TMPRSS11E: variants seen among roughly 807,000 people sequenced by gnomAD.
TMPRSS11E encodes the protein transmembrane protease serine 11E.
TMPRSS11E carries 38 observed loss-of-function variants against 48.1 expected under a neutral mutation model. The observed-to-expected ratio is 0.79, with a 90% CI of 0.61 to 1.04. The LOEUF (loss-of-function observed/expected upper bound fraction) is 1.04, where lower values mean the gene tolerates loss of function less well. Ranked by LOEUF, TMPRSS11E falls within the 50% of genes least tolerant of loss-of-function variation. TMPRSS11E has a pLI of 0.00. For missense variants in TMPRSS11E, 530 were observed against 510.8 expected (o/e 1.04, Z -0.36); for synonymous variants, 158 against 171.9 (o/e 0.92, Z 0.63).
chr4:68,461,780 G>T (rs375197528), intron 1 of TMPRSS11E, 41 bp from the exon 2 acceptor site: 3 of 1,613,194 alleles, frequency 1.9e-6, no homozygotes, highest in African/African-American at 2.7e-5. Context: ...TGGATGTGTT[G>T]CATGCTCTGA....
chr4:68,450,435 T>C (rs530434415), intron 1 of TMPRSS11E, among the ~76,000 whole-genome samples: 2 of 152,098 alleles, frequency 1.3e-5, no homozygotes, highest in African/African-American at 4.8e-5. Context: ...TTCTGATCTT[T>C]CTGATTTTAA....
intron 9 of TMPRSS11E, among the ~76,000 whole-genome samples, chr4:68,489,393 G>A (rs1209971974): frequency 6.6e-6 from 1 of 152,196 alleles, no homozygotes; most frequent in East Asian, 1.9e-4. Context: ...TGCTGGCAAA[G>A]GCACTTTGGC....
chr4:68,468,928 CTCAGGTTATCAAGT>C lies in TMPRSS11E; in HGVS notation c.315_326+2del. The C allele has an allele frequency of 5.0e-6, 8 of 1,611,454 alleles. No homozygotes were observed. The highest frequency in any genetic ancestry group is 6.8e-6 in the Non-Finnish European group (8 of 1,177,932). On this transcript the variant is annotated frameshift_variant, in exon 4 of 10. Coordinates refer to ENST00000305363, the MANE Select transcript of TMPRSS11E (RefSeq NM_014058.4). LOFTEE classifies it high-confidence loss of function. ...CCATTAAGGGAAGAATTTGTCAAGT[CTCAGGTTATCAAGT>C]TCAGGTATGTAAATCTGAATTGCTG...
At chr4:68,474,605 T>C in intron 5 of TMPRSS11E, 118 bp from the exon 6 acceptor site, 1 of 928,788 alleles carries the variant, frequency 1.1e-6, no homozygotes, top group South Asian at 1.5e-5. Context: ...TTGCCTTCTT[T>C]ATAATCTAGA....
chr4:68,463,671 T>C (rs934756518), intron 2 of TMPRSS11E, among the ~76,000 whole-genome samples: 9 of 152,214 alleles, frequency 5.9e-5, no homozygotes, highest in African/African-American at 2.2e-4. Context: ...GCTGAGAATA[T>C]TGAGTCCTAC....
rs1728942164 is a variant in TMPRSS11E at position 68,466,884 on chromosome 4, C to T, written c.258+132C>T. 6 of 1,164,386 alleles carry T rather than the reference C, an allele frequency of 5.2e-6. No individual in the cohort carries two copies. The South Asian group carries it at 7.9e-5, about 15-fold the overall frequency. The allele number at this position is 1,164,386 out of a possible 1,614,324, so 72.1% of individuals were successfully genotyped here. A position where few individuals can be genotyped will look rare whatever the true frequency, so the allele number is the denominator to read the frequency against. ...TTGCAAAATGAAAAGAGGCCCTAAC[C>T]CAAGGAATATAAAACAAAATGGACA... On this transcript the variant is annotated intron_variant, in intron 3 of 9. Coordinates refer to ENST00000305363, the MANE Select transcript of TMPRSS11E (RefSeq NM_014058.4).
At chr4:68,449,995 A>T (rs1474622296) in intron 1 of TMPRSS11E, among the ~76,000 whole-genome samples, 1 of 151,828 alleles carries the variant, frequency 6.6e-6, no homozygotes, top group Non-Finnish European at 1.5e-5. Context: ...GATAAGGAGG[A>T]TGACTTTATA....
At chr4:68,496,600 A>G (rs1274131866) in intron 9 of TMPRSS11E, 43 bp from the exon 10 acceptor site, 3 of 1,573,864 alleles carry the variant, frequency 1.9e-6, no homozygotes, top group Non-Finnish European at 2.6e-6. Flanking sequence ...TTCCTCTGTA[A>G]TGAACTGAAT....
At chr4:68,469,224 A>T (rs1193151919) in intron 4 of TMPRSS11E, among the ~76,000 whole-genome samples, 1 of 152,046 alleles carries the variant, frequency 6.6e-6, no homozygotes, top group Non-Finnish European at 1.5e-5. Context: ...CTAAATACAG[A>T]TAGACCTAAC....
intron 9 of TMPRSS11E, among the ~76,000 whole-genome samples, chr4:68,493,950 C>T (rs1560562723): frequency 1.3e-5 from 2 of 152,146 alleles, no homozygotes; most frequent in African/African-American, 4.8e-5. Context: ...CCTTGCCTTT[C>T]TTAAGACATA....
intron 9 of TMPRSS11E, among the ~76,000 whole-genome samples, chr4:68,495,705 C>G (rs990702621): frequency 6.6e-6 from 1 of 152,088 alleles, no homozygotes; most frequent in Non-Finnish European, 1.5e-5. Flanking sequence ...TGAATTAGAT[C>G]GCTCTGGATT....
chr4:68,481,648 C>T (rs1578142657), intron 9 of TMPRSS11E, among the ~76,000 whole-genome samples: 1 of 152,148 alleles, frequency 6.6e-6, no homozygotes, highest in East Asian at 1.9e-4. Flanking sequence ...TGTTCTTACA[C>T]TGCTATAAAA....
At chr4:68,463,219 A>G (rs1728841531) in intron 2 of TMPRSS11E, among the ~76,000 whole-genome samples, 1 of 152,218 alleles carries the variant, frequency 6.6e-6, no homozygotes, top group Admixed American at 6.5e-5. Flanking sequence ...ATTTAAAACA[A>G]AGATTTTTTT....
chr4:68,461,996 A>G (rs1328014171), intron 2 of TMPRSS11E, 51 bp downstream of exon 2: 2 of 1,608,192 alleles, frequency 1.2e-6, no homozygotes, highest in South Asian at 2.2e-5. Flanking sequence ...ATATTTCCTC[A>G]TACCTTGCTG....
chr4:68,477,580 C>G lies in TMPRSS11E; in HGVS notation c.919C>G (p.Pro307Ala), dbSNP rs139089250. 6.4e-5 allele frequency: 103 copies of G among 1,613,858 alleles called. No individual in the cohort carries two copies. The highest frequency in any genetic ancestry group is 8.2e-5 in the Non-Finnish European group (97 of 1,179,960). ...CCCTGATGCATCCTATGAGTTTCAA[C>G]CAGGTGATGTGATGTTTGTGACAGG... ...CLPDASYEFQ[P>A]GDVMFVTGFG... Residue 307 changes from proline (P) to alanine (A), a missense_variant, in exon 8 of 10, where the codon CCA becomes GCA. Physicochemically the swap from Pro to Ala is conservative, Grantham distance 27. Transcript: ENST00000305363.
intron 9 of TMPRSS11E, among the ~76,000 whole-genome samples, chr4:68,479,573 A>AAAACTT (rs1346585134): frequency 5.3e-5 from 8 of 150,060 alleles, no homozygotes; most frequent in East Asian, 1.9e-4. Flanking sequence ...TATAGAATAA[A>AAAACTT]AAACTTACTT....
chr4:68,471,030 C>T (rs1729049412), intron 4 of TMPRSS11E, among the ~76,000 whole-genome samples: 2 of 151,802 alleles, frequency 1.3e-5, no homozygotes, highest in Non-Finnish European at 2.9e-5. Flanking sequence ...TATTAATAGC[C>T]ATATACTTAA....
At chr4:68,463,279 T>A (rs1728842774) in intron 2 of TMPRSS11E, among the ~76,000 whole-genome samples, 1 of 152,146 alleles carries the variant, frequency 6.6e-6, no homozygotes, top group African/African-American at 2.4e-5. Context: ...ATCTGCATAT[T>A]AATAACAGAT....
At position 68,461,815 on chromosome 4, in the gene TMPRSS11E, C is replaced by T; in HGVS notation, c.12-6C>T. The T allele has an allele frequency of 6.2e-7, 1 of 1,614,062 alleles. No individual in the cohort carries two copies. The highest frequency in any genetic ancestry group is 8.5e-7 in the Non-Finnish European group (1 of 1,179,978). ...AAATAATCTATCTATTTATTTTCTT[C>T]CTTAGGCCAGATGTGGTGAGGGCTA... is the stretch of plus-strand genomic sequence containing the variant. On this transcript the variant is annotated splice_polypyrimidine_tract_variant and splice_region_variant and intron_variant, in intron 1 of 9. Coordinates refer to ENST00000305363, the MANE Select transcript of TMPRSS11E (RefSeq NM_014058.4).
Sources: allele counts gnomAD v4.1 joint callset (sites outside exome capture counted in the v4.1 genomes callset), GRCh38; gene constraint gnomAD v4.1.1; transcripts MANE v1.5; gene names NCBI Gene and HGNC (gene_info 2026-07-23, HGNC 2026-07-21).